Variants in NT5M observed in about 807,000 individuals in gnomAD.
The protein encoded by NT5M is 5'(3')-deoxyribonucleotidase, mitochondrial.
In NT5M, 22 loss-of-function variants were observed where a neutral mutation model predicts 22.2. The observed-to-expected ratio is 0.99, with a 90% CI of 0.71 to 1.41. NT5M has a LOEUF of 1.41. Ranked by LOEUF, NT5M falls within the 40% of genes most tolerant of loss-of-function variation. The pLI is 0.00. For synonymous variants in NT5M, 167 were observed against 133.0 expected (o/e 1.26, Z -1.76); for missense variants, 322 against 314.8 (o/e 1.02, Z -0.17).
At chr17:17,310,369 C>A (rs2048898688) in intron 2 of NT5M, among the ~76,000 whole-genome samples, 2 of 151,962 alleles carry the variant, frequency 1.3e-5, no homozygotes, top group Non-Finnish European at 2.9e-5. Context: ...CATAGTGAGA[C>A]CCTGTCTCTA....
At position 17,346,955 on chromosome 17, in the gene NT5M, T is replaced by A; in HGVS notation, c.*8T>A. ...AGCAAGCGGCCCTGCTGAGCTGGAC[T>A]GTGCTTCGGGCTCCTCTGTGGGGCT... On this transcript the variant is annotated 3_prime_UTR_variant, in exon 5 of 5. Coordinates refer to ENST00000389022, the MANE Select transcript of NT5M (RefSeq NM_020201.4). 6.2e-7 allele frequency: 1 copy of A among 1,610,476 alleles called. No individual in the cohort carries two copies. Among genetic ancestry groups the A allele is most frequent in the South Asian group, 1.1e-5 (1 of 91,040 alleles).
rs755021982 is a variant in NT5M at position 17,346,937 on chromosome 17, G to A, written c.677G>A (p.Arg226Gln). 32 of 1,611,076 alleles carry A rather than the reference G, an allele frequency of 2.0e-5. No homozygotes were observed. The highest frequency in any genetic ancestry group is 2.3e-5 in the Non-Finnish European group (27 of 1,179,932). ...DDWKAILDSK[R>Q]PC ...TGGAAGGCCATTCTGGACAGCAAGC[G>A]GCCCTGCTGAGCTGGACTGTGCTTC... Residue 226 changes from arginine to glutamine, a missense_variant, in exon 5 of 5, where the codon CGG becomes CAG. Arg to Gln is a conservative substitution (Grantham distance 43). Transcript: ENST00000389022.
At chr17:17,311,530 GAATT>G (rs1444791222) in intron 2 of NT5M, among the ~76,000 whole-genome samples, 13 of 152,066 alleles carry the variant, frequency 8.5e-5, no homozygotes, top group African/African-American at 1.9e-4. Context: ...CTCTTGCTGA[GAATT>G]AATTGAGCAT....
intron 3 of NT5M, among the ~76,000 whole-genome samples, chr17:17,324,867 G>T (rs1383441477): frequency 6.6e-6 from 1 of 152,138 alleles, no homozygotes; most frequent in East Asian, 1.9e-4. Flanking sequence ...CTTTTAACAC[G>T]CTAGGAGCAC....
chr17:17,324,453 C>T (rs2049222722), intron 3 of NT5M, among the ~76,000 whole-genome samples: 4 of 150,390 alleles, frequency 2.7e-5, no homozygotes, highest in Admixed American at 2.6e-4. Flanking sequence ...CACTGCACTC[C>T]AGCCTGGGTG....
chr17:17,329,823 T>C (rs1459800492), intron 3 of NT5M, among the ~76,000 whole-genome samples: 1 of 151,288 alleles, frequency 6.6e-6, no homozygotes, highest in African/African-American at 2.4e-5. Context: ...TAAAAAAAAA[T>C]TAGCCAGGCG....
Position 17,323,185 on chromosome 17 carries a change from C to A in NT5M, c.369C>A (p.Asn123Lys), listed in dbSNP as rs1407568229. The change falls in exon 3 of 5, where the codon AAC becomes AAA. Residue 123 changes from asparagine (N) to lysine (K), a missense_variant and splice_region_variant. Coordinates refer to ENST00000389022, the MANE Select transcript of NT5M (RefSeq NM_020201.4). ...EAVKEMASLQ[N>K]TDVFICTSPI... ...TCAACCTCCTTTCTCTTGTTGACAGCACTGACGTCTTCATCTGCACAAGCC... is the reference window on the plus strand; with the variant it reads ...TCAACCTCCTTTCTCTTGTTGACAGAACTGACGTCTTCATCTGCACAAGCC... 1.9e-6 allele frequency: 3 copies of A among 1,613,932 alleles called. No individual in the cohort carries two copies. In the South Asian group the frequency reaches 3.3e-5, roughly 18 times the overall value.
intron 3 of NT5M, among the ~76,000 whole-genome samples, chr17:17,340,380 G>C (rs1300480311): frequency 6.6e-6 from 1 of 151,690 alleles, no homozygotes; most frequent in East Asian, 1.9e-4. Flanking sequence ...TTTTTTCTTA[G>C]TCTGGCTAAA....
At chr17:17,312,006 G>A (rs1198640190) in intron 2 of NT5M, among the ~76,000 whole-genome samples, 1 of 152,210 alleles carries the variant, frequency 6.6e-6, no homozygotes, top group Non-Finnish European at 1.5e-5. Context: ...GTGGGGTTCT[G>A]GACATTGGCT....
intron 2 of NT5M, among the ~76,000 whole-genome samples, chr17:17,314,007 T>A (rs755056705): frequency 2.0e-5 from 3 of 152,072 alleles, no homozygotes; most frequent in Non-Finnish European, 4.4e-5. Context: ...GGGTGACCAT[T>A]CTTTTTATTG....
At chr17:17,313,148 C>T (rs1161770672) in intron 2 of NT5M, among the ~76,000 whole-genome samples, 1 of 151,836 alleles carries the variant, frequency 6.6e-6, no homozygotes, top group African/African-American at 2.4e-5. Flanking sequence ...CGTGGTGGGG[C>T]ATGCCTGTAA....
At chr17:17,344,460 G>A (rs926249820) in intron 3 of NT5M, among the ~76,000 whole-genome samples, 3 of 152,194 alleles carry the variant, frequency 2.0e-5, no homozygotes, top group African/African-American at 7.2e-5. Flanking sequence ...GGTGGCAGGG[G>A]TGGCACACAT....
chr17:17,329,198 T>C (rs1474565611), intron 3 of NT5M, among the ~76,000 whole-genome samples: 1 of 152,204 alleles, frequency 6.6e-6, no homozygotes, highest in African/African-American at 2.4e-5. Flanking sequence ...CAGGATGGTC[T>C]CGATCTCCTG....
intron 3 of NT5M, among the ~76,000 whole-genome samples, chr17:17,324,211 C>T (rs866337512): frequency 7.0e-5 from 10 of 142,892 alleles, no homozygotes; most frequent in Non-Finnish European, 1.4e-4. Context: ...TGGTCAGGCG[C>T]GGTGGCTCAC....
At chr17:17,313,233 T>A (rs1427100502) in intron 2 of NT5M, among the ~76,000 whole-genome samples, 2 of 152,050 alleles carry the variant, frequency 1.3e-5, no homozygotes, top group African/African-American at 4.8e-5. Context: ...GAGCTGAGAT[T>A]GCGCCATTGC....
chr17:17,329,800 A>T (rs889616307), intron 3 of NT5M, among the ~76,000 whole-genome samples: 6 of 150,854 alleles, frequency 4.0e-5, no homozygotes, highest in Non-Finnish European at 7.4e-5. Context: ...ACATGATGAG[A>T]CCCCATCTGT....
intron 4 of NT5M, chr17:17,345,299 C>A: frequency 9.9e-7 from 1 of 1,009,674 alleles, no homozygotes; most frequent in Middle Eastern, 5.0e-4. Context: ...CAGAGCAGAG[C>A]TCCTGCAGGG....
intron 3 of NT5M, 106 bp downstream of exon 3, chr17:17,323,351 C>A: frequency 1.1e-6 from 1 of 932,316 alleles, no homozygotes; most frequent in Non-Finnish European, 1.8e-6. Context: ...ACAGCACTCC[C>A]CCACCTCTGT....
Position 17,347,562 on chromosome 17 carries a change from CCT to C in NT5M, c.*618_*619del, listed in dbSNP as rs928455945. The stretch of plus-strand genomic sequence containing the variant: ...TCGACCAGCTTAGAGGTTTCTCACA[CCT>C]CTGTTCCCAGGGCCCCGCTCAGGGC... On this transcript the variant is annotated 3_prime_UTR_variant, in exon 5 of 5. Coordinates refer to ENST00000389022, the MANE Select transcript of NT5M (RefSeq NM_020201.4). The C allele has an allele frequency of 2.6e-5, 4 of 153,260 alleles. No homozygotes were observed. The highest frequency in any genetic ancestry group is 2.0e-4 in the Admixed American group (3 of 15,382). The allele number at this position is 153,260 out of a possible 1,614,324, so 9.5% of individuals were successfully genotyped here. A position where few individuals can be genotyped will look rare whatever the true frequency, so the allele number is the denominator to read the frequency against.
Sources: gnomAD v4.1 joint callset for allele counts (sites outside exome capture counted in the v4.1 genomes callset) on GRCh38, gnomAD v4.1.1 for gene constraint, MANE v1.5 for transcripts, NCBI Gene and HGNC (gene_info 2026-07-23, HGNC 2026-07-21) for gene names.